Variants in RAB3IP observed in about 807,000 individuals in gnomAD.
RAB3IP encodes rab-3A-interacting protein.
In RAB3IP, 36 loss-of-function variants were observed where a neutral mutation model predicts 59.1. The observed-to-expected ratio is 0.61, with a 90% CI of 0.47 to 0.80. RAB3IP has a LOEUF of 0.80. Among genes scored for constraint, RAB3IP ranks in the 30% least tolerant of loss-of-function variants. The probability of loss-of-function intolerance (pLI) is 0.00; values close to 1 mark genes in which losing one functional copy is unlikely to be tolerated. For missense variants in RAB3IP, 511 were observed against 536.0 expected, an observed-to-expected ratio of 0.95 and a Z score of 0.46; for synonymous variants, 207 against 191.2, an observed-to-expected ratio of 1.08 and a Z score of -0.68.
At chr12:69,758,663 ATTATC>A (rs1323780865) in intron 3 of RAB3IP, among the ~76,000 whole-genome samples, 1 of 149,638 alleles carries the variant, frequency 6.7e-6, no homozygotes, top group Non-Finnish European at 1.5e-5. Context: ...ATTAAACAGT[ATTATC>A]TTTTAAAGAG....
chr12:69,783,617 T>A (rs990746751), intron 3 of RAB3IP, among the ~76,000 whole-genome samples: 1 of 152,256 alleles, frequency 6.6e-6, no homozygotes, highest in Non-Finnish European at 1.5e-5. Flanking sequence ...TGCAGTCACC[T>A]GCAAGTTGGA....
chr12:69,795,709 A>G, intron 6 of RAB3IP: 1 of 338,412 alleles, frequency 3.0e-6, no homozygotes, highest in Non-Finnish European at 5.3e-6. Context: ...AAATAAGATG[A>G]TTTTCTTAAA....
intron 3 of RAB3IP, among the ~76,000 whole-genome samples, chr12:69,780,663 G>A (rs1035537369): frequency 2.6e-5 from 4 of 152,234 alleles, no homozygotes; most frequent in African/African-American, 9.6e-5. Context: ...CCTTGTGCAA[G>A]CAGTAATAAA....
chr12:69,763,474 G>A (rs1289970486), intron 3 of RAB3IP, among the ~76,000 whole-genome samples: 1 of 152,120 alleles, frequency 6.6e-6, no homozygotes, highest in Admixed American at 6.5e-5. Flanking sequence ...GCTTTGACTG[G>A]ACCACTTCCA....
At chr12:69,794,163 C>A (rs1232060458) in intron 4 of RAB3IP, among the ~76,000 whole-genome samples, 1 of 152,162 alleles carries the variant, frequency 6.6e-6, no homozygotes, top group Non-Finnish European at 1.5e-5. Flanking sequence ...TGTTTGCCTT[C>A]GTCACATTCA....
At position 69,799,131 on chromosome 12, in the gene RAB3IP, C is replaced by T. The variant is rs570281246; in HGVS notation, c.889-1078C>T. 3.3e-5 allele frequency among the ~76,000 whole-genome samples: 5 copies of T among 152,292 alleles called. No homozygotes were observed. The East Asian group carries it at 9.6e-4, about 29-fold the overall frequency. On this transcript the variant is annotated intron_variant, in intron 6 of 10. Coordinates refer to ENST00000247833, the MANE Select transcript of RAB3IP (RefSeq NM_022456.5). ...TATGAATTGGGCTGAAAAAAATATT[C>T]ACATGGAGATTGCCCTTATACACCT...
chr12:69,751,320 G>A (rs61152916), intron 1 of RAB3IP, among the ~76,000 whole-genome samples: 1 of 152,232 alleles, frequency 6.6e-6, no homozygotes, highest in South Asian at 2.1e-4. Context: ...ATAACAAGAT[G>A]TTCCAGGGTC....
chr12:69,808,501 G>T (rs1252968100), intron 8 of RAB3IP, among the ~76,000 whole-genome samples: 1 of 152,074 alleles, frequency 6.6e-6, no homozygotes, highest in African/African-American at 2.4e-5. Flanking sequence ...TTGACAGTGG[G>T]GTGTTAAAGT....
chr12:69,797,937 G>T (rs1009814285), intron 6 of RAB3IP, among the ~76,000 whole-genome samples: 6 of 152,048 alleles, frequency 3.9e-5, no homozygotes, highest in African/African-American at 1.4e-4. Context: ...TGGACATTTG[G>T]GTTGGTTCCA....
At position 69,815,559 on chromosome 12, in the gene RAB3IP, TTTGCAAA is replaced by T. The variant is rs1465963551; in HGVS notation, c.*118_*124del. 2.8e-6 allele frequency: 2 copies of T among 724,188 alleles called. No individual in the cohort carries two copies. The highest frequency in any genetic ancestry group is 4.7e-6 in the Non-Finnish European group (2 of 425,582). 44.9% of individuals were successfully genotyped at this position (724,188 alleles called of 1,614,324 possible). A position where few individuals can be genotyped will look rare whatever the true frequency, so the allele number is the denominator to read the frequency against. Reference sequence around the variant, plus strand: ...AGTGAGCCTAAGACTTTTTTCCCCTTTTGCAAATTGCTCTAAGAAGTACCATGATTTC... The same window carrying T: ...AGTGAGCCTAAGACTTTTTTCCCCTTTTGCTCTAAGAAGTACCATGATTTC... On this transcript the variant is annotated 3_prime_UTR_variant, in exon 11 of 11. Transcript: ENST00000247833.
At chr12:69,739,661 T>TA in intron 1 of RAB3IP, 1 of 634,922 alleles carries the variant, frequency 1.6e-6, no homozygotes. Flanking sequence ...CGCGCCCAAG[T>TA]AGGCAGCTCC....
intron 8 of RAB3IP, among the ~76,000 whole-genome samples, chr12:69,804,174 G>T (rs1479831850): frequency 6.8e-4 from 103 of 152,086 alleles, no homozygotes; most frequent in African/African-American, 2.4e-3. Context: ...TTTCCTGACT[G>T]TTTAATGATC....
At chr12:69,749,893 C>T (rs765532110) in intron 1 of RAB3IP, among the ~76,000 whole-genome samples, 5 of 152,288 alleles carry the variant, frequency 3.3e-5, no homozygotes, top group Non-Finnish European at 5.9e-5. Flanking sequence ...TTCCCCAGAT[C>T]CTGGCACAGA....
At chr12:69,804,824 C>T (rs1375582462) in intron 8 of RAB3IP, among the ~76,000 whole-genome samples, 1 of 152,064 alleles carries the variant, frequency 6.6e-6, no homozygotes, top group Admixed American at 6.6e-5. Flanking sequence ...GGCATTATTT[C>T]TGAGGGCTCT....
chr12:69,794,795 A>G (rs530585465), intron 5 of RAB3IP, among the ~76,000 whole-genome samples: 2 of 152,326 alleles, frequency 1.3e-5, no homozygotes, highest in African/African-American at 4.8e-5. Context: ...TAGTTTTTAA[A>G]TTCACTGAGA....
rs113350194 is a variant in RAB3IP, at chr12:69,817,653, TACACACACACACACACAC to T, written c.*2224_*2241del. The stretch of plus-strand genomic sequence containing the variant: ...CTGGGAAAAATAGGGAAACTCCATT[TACACACACACACACACAC>T]ACACACACACACACACTGTGTCCAT... On this transcript the variant is annotated 3_prime_UTR_variant, in exon 11 of 11. Transcript: ENST00000247833. 2.3e-5 allele frequency: 3 copies of T among 131,400 alleles called. No homozygotes were observed. Among genetic ancestry groups the T allele is most frequent in the Non-Finnish European group, 3.2e-5 (2 of 63,120 alleles). 8.1% of individuals were successfully genotyped at this position (131,400 alleles called of 1,614,324 possible).
At chr12:69,786,655 G>A (rs553634309) in intron 4 of RAB3IP, among the ~76,000 whole-genome samples, 78 of 152,184 alleles carry the variant, frequency 5.1e-4, no homozygotes, top group African/African-American at 1.9e-3. Flanking sequence ...CTGACTACTT[G>A]CATTTAATTT....
chr12:69,739,717 G>A (rs1887090645), intron 1 of RAB3IP: 2 of 887,806 alleles, frequency 2.3e-6, no homozygotes, highest in Non-Finnish European at 1.8e-6. Context: ...AACTGCACGG[G>A]TGGGATTGCA....
In RAB3IP at chr12:69,821,007, A is replaced by G. The variant is rs1373495582; in HGVS notation, c.*5561A>G. ...AATGTAGAAGAGGACTAAACTTGAT[A>G]AAATATTAAAAGAATTGAAACCCTT... is the stretch of plus-strand genomic sequence containing the variant. On this transcript the variant is annotated 3_prime_UTR_variant, in exon 11 of 11. Coordinates refer to ENST00000247833, the MANE Select transcript of RAB3IP (RefSeq NM_022456.5). 6.6e-6 allele frequency: 1 copy of G among 152,166 alleles called. No individual in the cohort carries two copies. The highest frequency in any genetic ancestry group is 1.5e-5 in the Non-Finnish European group (1 of 68,034). 9.4% of individuals were successfully genotyped at this position (152,166 alleles called of 1,614,324 possible).
Sources: gnomAD v4.1 joint callset for allele counts (sites outside exome capture counted in the v4.1 genomes callset) on GRCh38, gnomAD v4.1.1 for gene constraint, MANE v1.5 for transcripts, NCBI Gene and HGNC (gene_info 2026-07-23, HGNC 2026-07-21) for gene names.